Variants in NRG3 observed in about 807,000 individuals in gnomAD.
NRG3 encodes the protein neuregulin 3.
NRG3 carries 31 observed loss-of-function variants against 66.9 expected under a neutral mutation model. That is an observed-to-expected ratio of 0.46 (90% confidence interval 0.35 to 0.63). The LOEUF is 0.63. Among genes scored for constraint, NRG3 ranks in the 20% least tolerant of loss-of-function variants. The pLI, the probability that NRG3 is intolerant of heterozygous loss-of-function variation, is 0.00. For synonymous variants in NRG3, 393 were observed against 359.4 expected (o/e 1.09, Z -1.06); for missense variants, 910 against 878.9 (o/e 1.04, Z -0.45).
rs191889120 is a variant in NRG3 at position 81,886,621 on chromosome 10, A to G, written c.823+10458A>G. On this transcript the variant is annotated intron_variant, in intron 1 of 8. Transcript: ENST00000372141. ...TTCATAAGAAGGACAACAGATGTTT[A>G]CTCAGAGAAAAGCCTTGAGCTCTAT... Among the ~76,000 whole-genome samples, 292 of 152,282 alleles carry G rather than the reference A, an allele frequency of 1.9e-3. 1 individual carries two copies. The highest frequency in any genetic ancestry group is 6.6e-3 in the African/African-American group (273 of 41,590).
At chr10:82,230,968 T>A (rs1432041548) in intron 1 of NRG3, among the ~76,000 whole-genome samples, 1 of 152,014 alleles carries the variant, frequency 6.6e-6, no homozygotes, top group East Asian at 1.9e-4. Context: ...GTAAGAGAAG[T>A]GATTGGAGAC....
intron 1 of NRG3, among the ~76,000 whole-genome samples, chr10:82,322,287 G>T (rs1648225222): frequency 6.6e-6 from 1 of 152,028 alleles, no homozygotes; most frequent in Non-Finnish European, 1.5e-5. Flanking sequence ...TAAAATTTAG[G>T]GGTTTTTAAA....
chr10:82,886,575 G>T (rs1220217221), intron 4 of NRG3, among the ~76,000 whole-genome samples: 2 of 152,160 alleles, frequency 1.3e-5, no homozygotes, highest in Non-Finnish European at 2.9e-5. Flanking sequence ...GCTTAGTATT[G>T]TCAGTGCTAT....
At chr10:81,899,135 A>G (rs1197361352) in intron 1 of NRG3, among the ~76,000 whole-genome samples, 1 of 152,194 alleles carries the variant, frequency 6.6e-6, no homozygotes, top group Admixed American at 6.5e-5. Flanking sequence ...TTAGTTATGC[A>G]TTTTTAAAAC....
chr10:82,981,446 G>T (rs1432734236), intron 8 of NRG3, among the ~76,000 whole-genome samples: 1 of 152,174 alleles, frequency 6.6e-6, no homozygotes, highest in Non-Finnish European at 1.5e-5. Flanking sequence ...ACTCCCTGGG[G>T]ACTGACTGTC....
intron 1 of NRG3, among the ~76,000 whole-genome samples, chr10:82,249,826 G>A (rs1247625260): frequency 6.6e-6 from 1 of 152,134 alleles, no homozygotes; most frequent in Non-Finnish European, 1.5e-5. Flanking sequence ...ATCACATTTG[G>A]CTTAGGTTAA....
intron 1 of NRG3, among the ~76,000 whole-genome samples, chr10:82,150,523 GC>G (rs2070634336): frequency 3.5e-5 from 2 of 57,324 alleles, no homozygotes; most frequent in African/African-American, 6.9e-5. Flanking sequence ...AGCAAAAAGA[GC>G]ACACACAAAA....
intron 2 of NRG3, among the ~76,000 whole-genome samples, chr10:82,645,503 A>G (rs1464044073): frequency 6.6e-6 from 1 of 152,150 alleles, no homozygotes; most frequent in Non-Finnish European, 1.5e-5. Context: ...TCCTTGTTGC[A>G]TTCATAATTG....
chr10:82,835,820 T>C (rs2062745800), intron 3 of NRG3, among the ~76,000 whole-genome samples: 1 of 152,144 alleles, frequency 6.6e-6, no homozygotes, highest in African/African-American at 2.4e-5. Context: ...TTGGGGACTG[T>C]AGAATAGGTA....
At chr10:82,606,841 A>G (rs1055139665) in intron 2 of NRG3, among the ~76,000 whole-genome samples, 13 of 152,298 alleles carry the variant, frequency 8.5e-5, no homozygotes, top group South Asian at 2.1e-4. Context: ...ACACCAAGCA[A>G]TCTGAAAACC....
chr10:82,467,162 C>A (rs1192491507), intron 2 of NRG3, among the ~76,000 whole-genome samples: 1 of 152,176 alleles, frequency 6.6e-6, no homozygotes, highest in Non-Finnish European at 1.5e-5. Flanking sequence ...ACTTTATTGA[C>A]AAGTTTATCC....
At chr10:82,865,381 C>T in intron 3 of NRG3, 30 bp from the exon 4 acceptor site, 1 of 1,611,792 alleles carries the variant, frequency 6.2e-7, no homozygotes, top group Non-Finnish European at 8.5e-7. Context: ...TTTTTCTCTT[C>T]CCCTTCCTTC....
At chr10:82,263,383 TTTAAG>T (rs2078132025) in intron 1 of NRG3, among the ~76,000 whole-genome samples, 1 of 152,184 alleles carries the variant, frequency 6.6e-6, no homozygotes, top group Non-Finnish European at 1.5e-5. Context: ...TTTAAAACCT[TTTAAG>T]TTTTCTATTG....
intron 3 of NRG3, among the ~76,000 whole-genome samples, chr10:82,825,742 G>A (rs1054893695): frequency 1.3e-5 from 2 of 152,034 alleles, no homozygotes; most frequent in East Asian, 1.9e-4. Context: ...TTTCAACAAG[G>A]GAAAGCTAAT....
chr10:82,097,369 T>TACACACACACACACACACAC (rs60288660), intron 1 of NRG3, among the ~76,000 whole-genome samples: 11 of 141,030 alleles, frequency 7.8e-5, no homozygotes, highest in Non-Finnish European at 1.5e-4. Flanking sequence ...TCCAGATGGT[T>TACACACACACACACACACAC]ACACACACAC....
At chr10:82,641,621 A>G (rs189638921) in intron 2 of NRG3, among the ~76,000 whole-genome samples, 80 of 152,290 alleles carry the variant, frequency 5.3e-4, no homozygotes, top group Non-Finnish European at 8.8e-5. Flanking sequence ...CCAGGCACTC[A>G]CAGCATCAGA....
intron 1 of NRG3, among the ~76,000 whole-genome samples, chr10:81,926,945 A>T (rs975233265): frequency 6.6e-6 from 1 of 152,218 alleles, no homozygotes; most frequent in African/African-American, 2.4e-5. Flanking sequence ...GATAAAGTGC[A>T]TAAAGGGCCG....
rs2087710511 is a variant in NRG3 at position 82,408,081 on chromosome 10, GAGACAGAAAGAA to G, written c.953+49217_953+49228del. On this transcript the variant is annotated intron_variant, in intron 2 of 8. Coordinates refer to ENST00000372141, the MANE Select transcript of NRG3 (RefSeq NM_001010848.4). ...AGAGAGAGAGAGAGAGAGAGAGAGA[GAGACAGAAAGAA>G]AGAAAGAAAGAAAGAAAGAAAGAAA... 6.0e-5 allele frequency among the ~76,000 whole-genome samples: 4 copies of G among 67,064 alleles called. No individual in the cohort carries two copies. In the East Asian group the frequency reaches 1.7e-3, roughly 28 times the overall value. 44.0% of individuals were successfully genotyped at this position (67,064 alleles called of 152,430 possible). A position where few individuals can be genotyped will look rare whatever the true frequency, so the allele number is the denominator to read the frequency against.
At chr10:82,936,721 A>G (rs887620277) in intron 4 of NRG3, among the ~76,000 whole-genome samples, 2 of 152,232 alleles carry the variant, frequency 1.3e-5, no homozygotes, top group Non-Finnish European at 2.9e-5. Context: ...ATAAACACAT[A>G]TAATTTCATA....
Sources: allele counts gnomAD v4.1 joint callset (sites outside exome capture counted in the v4.1 genomes callset), GRCh38; gene constraint gnomAD v4.1.1; transcripts MANE v1.5; gene names NCBI Gene and HGNC (gene_info 2026-07-23, HGNC 2026-07-21).